Variants in CFAP107 observed in about 807,000 individuals in gnomAD.
The protein encoded by CFAP107 is cilia and flagella associated protein 107.
chr1:12,753,268 T>C, the CFAP107 span: 1 of 151,872 alleles, frequency 6.6e-6, no homozygotes, highest in Non-Finnish European at 1.5e-5. Flanking sequence ...GAAGACTTAA[T>C]ATTGTTAAGA....
chr1:12,747,572 G>T, the CFAP107 span, among the ~76,000 whole-genome samples: 1 of 152,160 alleles, frequency 6.6e-6, no homozygotes, highest in Non-Finnish European at 1.5e-5. Context: ...TGGGAAGTGG[G>T]CAAGGAAAAG....
chr1:12,750,844 GT>G, the CFAP107 span, among the ~76,000 whole-genome samples: 156 of 148,320 alleles, frequency 1.1e-3, no homozygotes, highest in Non-Finnish European at 1.8e-3. Context: ...GAATACGTGT[GT>G]TTTTTTTTTC....
chr1:12,751,723 A>C, the CFAP107 span, among the ~76,000 whole-genome samples: 1,604 of 152,358 alleles, frequency 0.011, 17 homozygotes, highest in African/African-American at 0.037. Flanking sequence ...TAACGGAAAA[A>C]AAGAGAAGAG....
the CFAP107 span, chr1:12,761,178 C>T: frequency 7.4e-5 from 38 of 510,872 alleles, 1 homozygote; most frequent in Non-Finnish European, 3.5e-6. Context: ...TATTGCAGGG[C>T]TATGTACGTG....
chr1:12,747,614 G>A, the CFAP107 span, among the ~76,000 whole-genome samples: 1 of 152,160 alleles, frequency 6.6e-6, no homozygotes, highest in Non-Finnish European at 1.5e-5. Flanking sequence ...CTTTGGTATG[G>A]GGAAAAGAAG....
the CFAP107 span, among the ~76,000 whole-genome samples, chr1:12,756,172 C>T: frequency 6.6e-6 from 1 of 152,312 alleles, no homozygotes; most frequent in South Asian, 2.1e-4. Flanking sequence ...TGTATTTGGA[C>T]AAACAGTGTT....
chr1:12,762,218 T>C, the CFAP107 span: 1 of 152,166 alleles, frequency 6.6e-6, no homozygotes, highest in African/African-American at 2.4e-5. Context: ...CAAGTGTCCA[T>C]GTAAGGACGC....
the CFAP107 span, chr1:12,755,569 G>A: frequency 7.2e-6 from 5 of 699,186 alleles, no homozygotes; most frequent in South Asian, 6.2e-5. Context: ...TCCTGTGTTG[G>A]GCAGGGTGTC....
the CFAP107 span, chr1:12,746,320 C>A: frequency 1.4e-6 from 1 of 734,276 alleles, no homozygotes; most frequent in Non-Finnish European, 2.3e-6. Flanking sequence ...AGGAGGCCAG[C>A]TGGGAAGACA....
At chr1:12,749,551 T>C in the CFAP107 span, among the ~76,000 whole-genome samples, 2 of 152,200 alleles carry the variant, frequency 1.3e-5, no homozygotes, top group South Asian at 4.2e-4. Flanking sequence ...GTGGAGGTTC[T>C]AGTGAGCCGA....
chr1:12,756,749 T>C, the CFAP107 span, among the ~76,000 whole-genome samples: 1 of 152,196 alleles, frequency 6.6e-6, no homozygotes, highest in South Asian at 2.1e-4. Context: ...ATTTTAGTGC[T>C]TGGAGGGACC....
the CFAP107 span, chr1:12,759,356 A>G: frequency 9.3e-6 from 15 of 1,613,984 alleles, no homozygotes; most frequent in Admixed American, 1.2e-4. Flanking sequence ...GAGCCCCCAC[A>G]TCGCTACCTG....
chr1:12,749,592 C>G, the CFAP107 span, among the ~76,000 whole-genome samples: 8,013 of 152,106 alleles, frequency 0.053, 683 homozygotes, highest in African/African-American at 0.18. Context: ...GCCTGGGAAA[C>G]AGAGTGAGAG....
At chr1:12,749,715 A>T in the CFAP107 span, among the ~76,000 whole-genome samples, 4 of 152,048 alleles carry the variant, frequency 2.6e-5, no homozygotes, top group African/African-American at 9.7e-5. Flanking sequence ...AAGTGCTGGT[A>T]AAAAAAATAC....
chr1:12,749,671 T>C, the CFAP107 span, among the ~76,000 whole-genome samples: 1 of 152,128 alleles, frequency 6.6e-6, no homozygotes, highest in Non-Finnish European at 1.5e-5. Context: ...AGCAGAAACC[T>C]TGGAGCCTGG....
the CFAP107 span, among the ~76,000 whole-genome samples, chr1:12,748,494 C>T: frequency 6.6e-6 from 1 of 150,652 alleles, no homozygotes; most frequent in Non-Finnish European, 1.5e-5. Context: ...CACACAGGTC[C>T]AGGCAAGATG....
chr1:12,759,629 G>A, the CFAP107 span: 1 of 926,610 alleles, frequency 1.1e-6, no homozygotes, highest in Non-Finnish European at 1.7e-6. Flanking sequence ...TAGGGGCTGA[G>A]TTCTATTGTA....
chr1:12,756,643 A>C, the CFAP107 span, among the ~76,000 whole-genome samples: 1 of 151,416 alleles, frequency 6.6e-6, no homozygotes, highest in Non-Finnish European at 1.5e-5. Flanking sequence ...CTGTCTCCCC[A>C]CTCCCACCCC....
chr1:12,748,024 C>T, the CFAP107 span, among the ~76,000 whole-genome samples: 3 of 152,192 alleles, frequency 2.0e-5, no homozygotes, highest in African/African-American at 4.8e-5. Flanking sequence ...AAGAAAAAGA[C>T]ACATTCAAAA....
Sources: allele counts gnomAD v4.1 joint callset (sites outside exome capture counted in the v4.1 genomes callset), GRCh38; gene constraint gnomAD v4.1.1; transcripts MANE v1.5; gene names NCBI Gene and HGNC (gene_info 2026-07-23, HGNC 2026-07-21).